COA1: variants seen among roughly 807,000 people sequenced by gnomAD.
COA1 encodes cytochrome c oxidase assembly factor 1 homolog.
A neutral mutation model predicts 16.0 loss-of-function variants in COA1; 13 were observed. The ratio of observed to expected loss-of-function variants is 0.81; its 90% CI spans 0.53 to 1.29. The LOEUF is 1.29. Among genes scored for constraint, COA1 ranks in the 50% most tolerant of loss-of-function variants. COA1 has a pLI of 0.00. For synonymous variants in COA1, 65 were observed against 65.7 expected (o/e 0.99, Z 0.05); for missense variants, 179 against 177.0 (o/e 1.01, Z -0.06).
At chr7:43,697,223 ATG>A (rs2094559269) in intron 1 of COA1, among the ~76,000 whole-genome samples, 2 of 152,338 alleles carry the variant, frequency 1.3e-5, no homozygotes, top group Admixed American at 1.3e-4. Flanking sequence ...GGTATTTGTT[ATG>A]TTATTCTCTA....
At chr7:43,668,512 A>C (rs557081113) in intron 1 of COA1, among the ~76,000 whole-genome samples, 4 of 152,356 alleles carry the variant, frequency 2.6e-5, no homozygotes, top group Admixed American at 2.6e-4. Flanking sequence ...TGAGGACTGG[A>C]GAGAGAAATT....
At chr7:43,614,236 A>G (rs1563156379) in intron 6 of COA1, among the ~76,000 whole-genome samples, 3 of 152,198 alleles carry the variant, frequency 2.0e-5, no homozygotes, top group Non-Finnish European at 2.9e-5. Context: ...GAGATAAATA[A>G]AAGACTTCCC....
At chr7:43,711,152 G>C (rs1302062237) in intron 1 of COA1, among the ~76,000 whole-genome samples, 2 of 151,882 alleles carry the variant, frequency 1.3e-5, no homozygotes, top group Non-Finnish European at 2.9e-5. Context: ...CATATTCTGA[G>C]AGAAATTAAA....
chr7:43,718,870 T>C (rs900246278), intron 1 of COA1, among the ~76,000 whole-genome samples: 2 of 152,158 alleles, frequency 1.3e-5, no homozygotes, highest in Non-Finnish European at 1.5e-5. Context: ...TACACTATGT[T>C]GATGTTGTCT....
chr7:43,654,083 T>A (rs1022582240), intron 1 of COA1, among the ~76,000 whole-genome samples: 1 of 152,136 alleles, frequency 6.6e-6, no homozygotes. Flanking sequence ...AACATGTCCA[T>A]GGACAAATGA....
At chr7:43,710,176 C>G (rs1402675642) in intron 1 of COA1, among the ~76,000 whole-genome samples, 1 of 147,038 alleles carries the variant, frequency 6.8e-6, no homozygotes, top group Non-Finnish European at 1.5e-5. Flanking sequence ...ATGGTGAAAC[C>G]CTGCCTCTAC....
chr7:43,615,241 T>C (rs2083238997), intron 6 of COA1, among the ~76,000 whole-genome samples: 1 of 152,230 alleles, frequency 6.6e-6, no homozygotes, highest in South Asian at 2.1e-4. Context: ...AGTGGCACTA[T>C]CTCGGCTCAC....
At chr7:43,722,640 T>C (rs978466765) in intron 1 of COA1, among the ~76,000 whole-genome samples, 2 of 151,898 alleles carry the variant, frequency 1.3e-5, no homozygotes, top group African/African-American at 4.8e-5. Flanking sequence ...TGATCTCAAG[T>C]GATCCGACTG....
chr7:43,715,431 T>G (rs2095369017), intron 1 of COA1, among the ~76,000 whole-genome samples: 1 of 149,948 alleles, frequency 6.7e-6, no homozygotes, highest in South Asian at 2.1e-4. Flanking sequence ...TGAGCGGAGA[T>G]CGTGCCACTG....
rs537206195 is a variant in COA1, at chr7:43,707,686, T to C, written c.-39+21743A>G. 2.6e-5 allele frequency among the ~76,000 whole-genome samples: 4 copies of C among 152,380 alleles called. No homozygotes were observed. In the East Asian group the frequency reaches 5.8e-4, roughly 22 times the overall value. On this transcript the variant is annotated intron_variant, in intron 1 of 5. Transcript: ENST00000223336. The stretch of plus-strand genomic sequence containing the variant: ...ATCATGTTTTTAAGGTTCATCCATA[T>C]TGTGTAAATTGAGTTTGTTCATTTT...
intron 1 of COA1, among the ~76,000 whole-genome samples, chr7:43,712,936 T>C (rs990381686): frequency 6.6e-6 from 1 of 152,076 alleles, no homozygotes; most frequent in African/African-American, 2.4e-5. Flanking sequence ...TAAATACATA[T>C]ATATGGTTTT....
intron 1 of COA1, among the ~76,000 whole-genome samples, chr7:43,712,942 GTT>G (rs752013866): frequency 6.6e-6 from 1 of 151,552 alleles, no homozygotes; most frequent in East Asian, 1.9e-4. Flanking sequence ...CATATATATG[GTT>G]TTTTTGTCTT....
At chr7:43,623,980 C>T in intron 6 of COA1, 1 of 915,172 alleles carries the variant, frequency 1.1e-6, no homozygotes, top group Non-Finnish European at 1.5e-6. Flanking sequence ...TGAATCTCCT[C>T]CAACCAAAAA....
chr7:43,701,938 T>TGTAA (rs1233816315), intron 1 of COA1, among the ~76,000 whole-genome samples: 1 of 152,144 alleles, frequency 6.6e-6, no homozygotes, highest in East Asian at 1.9e-4. Flanking sequence ...GTTTTCTGCT[T>TGTAA]GTAAGTTTGC....
At chr7:43,627,209 A>G (rs2084654466) in intron 6 of COA1, among the ~76,000 whole-genome samples, 1 of 152,202 alleles carries the variant, frequency 6.6e-6, no homozygotes, top group Admixed American at 6.5e-5. Context: ...CTGGGAAATG[A>G]TATTTGATTG....
intron 1 of COA1, among the ~76,000 whole-genome samples, chr7:43,691,437 G>GAAAGAAAGA (rs1563386224): frequency 3.6e-5 from 4 of 110,816 alleles, no homozygotes; most frequent in African/African-American, 1.6e-4. Context: ...AAGAAAGAAA[G>GAAAGAAAGA]AAAGAAAGAA....
chr7:43,721,704 G>C (rs984692717), intron 1 of COA1, among the ~76,000 whole-genome samples: 1 of 152,030 alleles, frequency 6.6e-6, no homozygotes, highest in Non-Finnish European at 1.5e-5. Flanking sequence ...TCTGCATCCT[G>C]ACTATGGTGT....
rs771752515 is a variant in COA1, at chr7:43,639,575, G to A, written c.*7C>T. ...ACTAGAAGCAAGCTGGGTCTTCTGG[G>A]TCGTCTCTACTCCTTTTTCACTTCA... On this transcript the variant is annotated 3_prime_UTR_variant, in exon 6 of 6. Transcript: ENST00000223336. The A allele has an allele frequency of 6.2e-7, 1 of 1,611,238 alleles. No individual in the cohort carries two copies.
At chr7:43,701,149 T>G (rs1353326146) in intron 1 of COA1, among the ~76,000 whole-genome samples, 1 of 151,864 alleles carries the variant, frequency 6.6e-6, no homozygotes, top group African/African-American at 2.4e-5. Flanking sequence ...GCAGATTTTT[T>G]ACATGGGTAT....
Sources: gnomAD v4.1 joint callset for allele counts (sites outside exome capture counted in the v4.1 genomes callset) on GRCh38, gnomAD v4.1.1 for gene constraint, MANE v1.5 for transcripts, NCBI Gene and HGNC (gene_info 2026-07-23, HGNC 2026-07-21) for gene names.